Variants in ST18 observed in about 807,000 individuals in gnomAD.
ST18 encodes ST18 C2H2C-type zinc finger transcription factor.
Under a neutral mutation model 110.0 loss-of-function variants are expected in ST18, and 50 were observed. The observed-to-expected ratio is 0.45, with a 90% CI of 0.36 to 0.58. The LOEUF (loss-of-function observed/expected upper bound fraction) is 0.58, where lower values mean the gene tolerates loss of function less well. Ranked by LOEUF, ST18 falls within the 20% of genes least tolerant of loss-of-function variation. The probability of loss-of-function intolerance (pLI) is 0.00; values close to 1 mark genes in which losing one functional copy is unlikely to be tolerated. For missense variants in ST18, 1,306 were observed against 1,280.1 expected, an observed-to-expected ratio of 1.02 and a Z score of -0.31; for synonymous variants, 461 against 452.4, an observed-to-expected ratio of 1.02 and a Z score of -0.24.
chr8:52,399,624 G>A (rs1216256337), intron 2 of ST18, among the ~76,000 whole-genome samples: 2 of 151,472 alleles, frequency 1.3e-5, no homozygotes, highest in Non-Finnish European at 3.0e-5. Flanking sequence ...GTTTTCGTAG[G>A]TTATGTTTCC....
At chr8:52,285,359 G>T (rs2095452147) in intron 2 of ST18, among the ~76,000 whole-genome samples, 1 of 152,150 alleles carries the variant, frequency 6.6e-6, no homozygotes, top group Admixed American at 6.5e-5. Context: ...GGAACTTCTT[G>T]TTCCATATAT....
At chr8:52,206,377 A>G (rs568626429) in intron 8 of ST18, 1 of 152,256 alleles carries the variant, frequency 6.6e-6, no homozygotes, top group Non-Finnish European at 1.5e-5. Context: ...TACTTGTTAA[A>G]TTACAAAGTC....
intron 2 of ST18, among the ~76,000 whole-genome samples, chr8:52,236,955 C>CAGAG (rs2092765749): frequency 6.6e-6 from 1 of 152,178 alleles, no homozygotes; most frequent in South Asian, 2.1e-4. Context: ...TGGTGACACA[C>CAGAG]TCTGTCTCTC....
rs2040840187 is a variant in ST18, at chr8:52,112,559, G to A, written c.*639C>T. ...TCCAGCATCCTGTGCTTTTGTGAGT[G>A]CGGATTCCCCACTAGTGGGCGCCAT... On this transcript the variant is annotated 3_prime_UTR_variant, in exon 26 of 26. Coordinates refer to ENST00000689386, the MANE Select transcript of ST18 (RefSeq NM_001352837.2). 1 of 152,600 alleles carries A rather than the reference G, an allele frequency of 6.6e-6. No individual in the cohort carries two copies. Among genetic ancestry groups the A allele is most frequent in the Admixed American group, 6.5e-5 (1 of 15,278 alleles). 9.5% of individuals were successfully genotyped at this position (152,600 alleles called of 1,614,324 possible). A position where few individuals can be genotyped will look rare whatever the true frequency, so the allele number is the denominator to read the frequency against.
At chr8:52,241,561 A>C (rs1054143882) in intron 2 of ST18, among the ~76,000 whole-genome samples, 1 of 152,160 alleles carries the variant, frequency 6.6e-6, no homozygotes, top group Admixed American at 6.5e-5. Flanking sequence ...CCTACATATC[A>C]CTTTCTTCTA....
chr8:52,398,049 A>T (rs1189066852), intron 2 of ST18, among the ~76,000 whole-genome samples: 2 of 152,110 alleles, frequency 1.3e-5, no homozygotes, highest in Admixed American at 6.5e-5. Context: ...TGGTCATCTT[A>T]ACAATATTAG....
At position 52,236,721 on chromosome 8, in the gene ST18, T is replaced by C. The variant is rs549690674; in HGVS notation, c.-464-6644A>G. ...AAAATCATAGAAAGATCCACAATGA[T>C]AGCGTGGTCTCTTAGGGAATGGGAG... On this transcript the variant is annotated intron_variant, in intron 2 of 25. Transcript: ENST00000689386. 5.9e-5 allele frequency among the ~76,000 whole-genome samples: 9 copies of C among 152,178 alleles called. No homozygotes were observed. In the East Asian group the frequency reaches 1.7e-3, roughly 29 times the overall value.
intron 17 of ST18, among the ~76,000 whole-genome samples, chr8:52,141,834 T>C (rs2055221118): frequency 6.6e-6 from 1 of 151,968 alleles, no homozygotes; most frequent in Non-Finnish European, 1.5e-5. Flanking sequence ...GGGTGGTGGG[T>C]GGGCATCTGG....
chr8:52,144,679 G>A (rs978641734), intron 16 of ST18, among the ~76,000 whole-genome samples: 2 of 152,076 alleles, frequency 1.3e-5, no homozygotes, highest in Non-Finnish European at 2.9e-5. Flanking sequence ...ACTGGTAAAT[G>A]TTTGAAAACA....
chr8:52,180,098 AG>A, intron 9 of ST18, 23 bp downstream of exon 9: 2 of 1,611,612 alleles, frequency 1.2e-6, no homozygotes, highest in Non-Finnish European at 8.5e-7. Context: ...GAGCAGGTAA[AG>A]TTTGGGCTCT....
intron 2 of ST18, among the ~76,000 whole-genome samples, chr8:52,315,422 T>C (rs1408655416): frequency 2.0e-5 from 3 of 152,314 alleles, no homozygotes; most frequent in African/African-American, 4.8e-5. Flanking sequence ...CCACCAAAGC[T>C]TTGCTCAGAT....
intron 2 of ST18, among the ~76,000 whole-genome samples, chr8:52,293,010 G>GA (rs1257813285): frequency 8.5e-5 from 13 of 152,194 alleles, no homozygotes; most frequent in African/African-American, 3.1e-4. Context: ...TACAGGTTTG[G>GA]AAATTAATCG....
intron 16 of ST18, 23 bp from the exon 17 acceptor site, chr8:52,143,068 A>G (rs1158340029): frequency 6.7e-7 from 1 of 1,492,492 alleles, no homozygotes; most frequent in Non-Finnish European, 9.3e-7. Context: ...CAAAAAACAA[A>G]CAAAACACAG....
chr8:52,212,140 T>C, intron 7 of ST18, 31 bp from the exon 8 acceptor site: 1 of 1,587,474 alleles, frequency 6.3e-7, no homozygotes. Context: ...AAAAGAAGAC[T>C]TAATCAGTTG....
chr8:52,113,954 G>GTTTTTTTTTTTTTTTTTTTTTTTTTT (rs1158213340), intron 25 of ST18, among the ~76,000 whole-genome samples: 1 of 45,442 alleles, frequency 2.2e-5, no homozygotes, highest in Non-Finnish European at 3.8e-5. Context: ...TTCATACCGT[G>GTTTTTTTTTTTTTTTTTTTTTTTTTT]TTTTTTTTTT....
At chr8:52,142,339 A>G (rs1332198863) in intron 17 of ST18, among the ~76,000 whole-genome samples, 1 of 152,114 alleles carries the variant, frequency 6.6e-6, no homozygotes, top group Admixed American at 6.5e-5. Context: ...TACAGAAGAG[A>G]GGGTACAGTC....
At chr8:52,115,038 C>T (rs2042051950) in intron 25 of ST18, among the ~76,000 whole-genome samples, 1 of 152,142 alleles carries the variant, frequency 6.6e-6, no homozygotes, top group Admixed American at 6.6e-5. Flanking sequence ...TACCTTAATC[C>T]TTACCATAGT....
At chr8:52,139,278 A>T (rs1563632392) in intron 17 of ST18, among the ~76,000 whole-genome samples, 1 of 152,004 alleles carries the variant, frequency 6.6e-6, no homozygotes, top group Non-Finnish European at 1.5e-5. Context: ...GGGAATTCCC[A>T]CTTTAGAAAT....
At chr8:52,308,090 G>A (rs931435608) in intron 2 of ST18, among the ~76,000 whole-genome samples, 5 of 152,182 alleles carry the variant, frequency 3.3e-5, no homozygotes, top group African/African-American at 1.2e-4. Flanking sequence ...CGGGAGCTCT[G>A]CCAGGAAGAC....
Sources: allele counts gnomAD v4.1 joint callset (sites outside exome capture counted in the v4.1 genomes callset), GRCh38; gene constraint gnomAD v4.1.1; transcripts MANE v1.5; gene names NCBI Gene and HGNC (gene_info 2026-07-23, HGNC 2026-07-21).